The following SYNE1 variants were observed in gnomAD, a reference collection of about 807,000 sequenced individuals.
SYNE1 encodes the protein nesprin-1.
In SYNE1, 616 loss-of-function variants were observed where a neutral mutation model predicts 1,111.0. That is an observed-to-expected ratio of 0.55 (90% CI 0.52 to 0.59). The LOEUF is 0.59. Among genes scored for constraint, SYNE1 ranks in the 20% least tolerant of loss-of-function variants. SYNE1 has a pLI of 0.00. For synonymous variants in SYNE1, 3,855 were observed against 3,825.8 expected, an observed-to-expected ratio of 1.01 and a Z score of -0.28; for missense variants, 10,006 against 10,417.0, an observed-to-expected ratio of 0.96 and a Z score of 1.72.
At chr6:152,510,873 C>T (rs560317446) in intron 7 of SYNE1, 138 bp downstream of exon 7, 15 of 839,994 alleles carry the variant, frequency 1.8e-5, no homozygotes, top group African/African-American at 6.7e-5. Context: ...AAAGAAACAA[C>T]GTATGTGTGA....
chr6:152,277,991 C>A, intron 98 of SYNE1, 98 bp downstream of exon 98: 1 of 1,302,080 alleles, frequency 7.7e-7, no homozygotes, highest in Non-Finnish European at 1.1e-6. Flanking sequence ...CACAAGTACG[C>A]GTCACCGCCA....
At chr6:152,450,514 G>A (rs1017822508) in intron 27 of SYNE1, 111 bp downstream of exon 27, 29 of 1,061,440 alleles carry the variant, frequency 2.7e-5, no homozygotes, top group African/African-American at 1.4e-4. Flanking sequence ...ATTTTTGTAC[G>A]AGAACATGAG....
intron 75 of SYNE1, among the ~76,000 whole-genome samples, chr6:152,338,854 A>G (rs2153998812): frequency 6.6e-6 from 1 of 152,310 alleles, no homozygotes; most frequent in Non-Finnish European, 1.5e-5. Flanking sequence ...CATCCTTGAT[A>G]TAATAAAGAA....
Position 152,416,436 on chromosome 6 carries a change from T to A in SYNE1, c.6001A>T (p.Thr2001Ser), listed in dbSNP as rs1056873427. 3.1e-6 allele frequency: 5 copies of A among 1,614,200 alleles called. No homozygotes were observed. The highest frequency in any genetic ancestry group is 4.2e-6 in the Non-Finnish European group (5 of 1,180,046). The change falls in exon 41 of 146, where the codon ACT (threonine) becomes TCT (serine). Residue 2001 changes from threonine (T) to serine (S), a missense_variant. Thr to Ser is a moderately conservative substitution (Grantham distance 58, BLOSUM62 1). Transcript: ENST00000367255. The part of the protein sequence containing the change: ...LKSIEDIEER[T>S]DKERLKEPTR... ...GGTTCTTTCAATCGCTCTTTGTCAG[T>A]CCTTTCTTCAATGTCCTCAATGCTT...
At chr6:152,451,460 T>C (rs1275978147) in intron 25 of SYNE1, among the ~76,000 whole-genome samples, 1 of 142,860 alleles carries the variant, frequency 7.0e-6, no homozygotes, top group African/African-American at 2.6e-5. Context: ...ACAGTAGCCC[T>C]GCACCGTATT....
chr6:152,384,330 G>A (rs556352847), intron 55 of SYNE1, among the ~76,000 whole-genome samples: 3 of 152,228 alleles, frequency 2.0e-5, no homozygotes, highest in Admixed American at 6.5e-5. Context: ...TTTGTGGATC[G>A]CTGTTCCTCA....
chr6:152,502,245 T>C lies in SYNE1; in HGVS notation c.888+388A>G, dbSNP rs1043680070. On this transcript the variant is annotated intron_variant, in intron 10 of 145. Coordinates refer to ENST00000367255, the MANE Select transcript of SYNE1 (RefSeq NM_182961.4). ...TTTGCTGTCAATAGATGTAATAAAATCCAAAAGTCAAAATTAGATTTGATC... is the reference window on the plus strand; with the variant it reads ...TTTGCTGTCAATAGATGTAATAAAACCCAAAAGTCAAAATTAGATTTGATC... Among the ~76,000 whole-genome samples, 7 of 152,262 alleles carry C rather than the reference T, an allele frequency of 4.6e-5. 1 individual carries two copies. The highest frequency in any genetic ancestry group is 1.7e-4 in the African/African-American group (7 of 41,556).
At chr6:152,272,622 A>G (rs984462925) in intron 98 of SYNE1, among the ~76,000 whole-genome samples, 4 of 152,232 alleles carry the variant, frequency 2.6e-5, no homozygotes, top group African/African-American at 4.8e-5. Context: ...CACATAGAGA[A>G]GCAGTCTATT....
At chr6:152,362,410 T>C in intron 63 of SYNE1, 87 bp from the exon 64 acceptor site, 1 of 1,562,400 alleles carries the variant, frequency 6.4e-7, no homozygotes, top group Non-Finnish European at 8.8e-7. Context: ...TCCACTCCAG[T>C]AAGCAAGGGG....
chr6:152,563,383 C>A (rs561824715), intron 3 of SYNE1, among the ~76,000 whole-genome samples: 21 of 152,140 alleles, frequency 1.4e-4, no homozygotes, highest in African/African-American at 4.3e-4. Flanking sequence ...CCAGTGCCAG[C>A]GTGTCTACAA....
chr6:152,623,141 C>G (rs559774432), intron 3 of SYNE1, among the ~76,000 whole-genome samples: 3 of 152,094 alleles, frequency 2.0e-5, no homozygotes, highest in South Asian at 2.1e-4. Context: ...AATACTGGTA[C>G]AAAAACAGAC....
chr6:152,350,813 G>C, intron 70 of SYNE1, 43 bp from the exon 71 acceptor site: 1 of 1,611,104 alleles, frequency 6.2e-7, no homozygotes, highest in Non-Finnish European at 8.5e-7. Flanking sequence ...TCATCTCCGT[G>C]GACAAGATGA....
At chr6:152,526,276 G>T in intron 4 of SYNE1, 101 bp from the exon 5 acceptor site, 2 of 1,176,744 alleles carry the variant, frequency 1.7e-6, no homozygotes, top group African/African-American at 1.5e-5. Context: ...GAAATTTGTA[G>T]GAGAGGCTTC....
At chr6:152,453,214 A>C (rs2098665866) in intron 25 of SYNE1, among the ~76,000 whole-genome samples, 1 of 152,160 alleles carries the variant, frequency 6.6e-6, no homozygotes, top group Non-Finnish European at 1.5e-5. Flanking sequence ...TTTGGGGGGC[A>C]GAAACTATAC....
chr6:152,511,039 A>T lies in SYNE1; in HGVS notation c.374T>A (p.Leu125Ter), dbSNP rs776845285. The T allele has an allele frequency of 6.2e-7, 1 of 1,614,054 alleles. No homozygotes were observed. Among genetic ancestry groups the T allele is most frequent in the Non-Finnish European group, 8.5e-7 (1 of 1,179,914 alleles). ...GAAATATAGAATAATGGTCCACATC[A>T]ATCCAAGAACTATTGAGGGTCGGCC... Reference protein sequence around the residue: ...ADGRPSIVLGLMWTIILYFQI... With the variant: ...ADGRPSIVLG Residue 125 changes from leucine (L) to a stop codon, truncating the protein, a stop_gained, in exon 7 of 146, where the codon TTG (leucine) becomes TAG (stop). Transcript: ENST00000367255. LOFTEE classifies it high-confidence loss of function.
chr6:152,370,135 T>TC (rs1260983912), intron 59 of SYNE1, among the ~76,000 whole-genome samples: 1 of 151,924 alleles, frequency 6.6e-6, no homozygotes, highest in Non-Finnish European at 1.5e-5. Flanking sequence ...ATAGAATTTT[T>TC]CCCCCCTAAC....
chr6:152,213,889 T>G (rs542715818), intron 122 of SYNE1, 130 bp from the exon 123 acceptor site: 5 of 1,340,708 alleles, frequency 3.7e-6, no homozygotes, highest in African/African-American at 1.5e-5. Context: ...TCATGTCAGG[T>G]GGTAAAATTA....
At chr6:152,241,249 T>C (rs1490385657) in intron 107 of SYNE1, among the ~76,000 whole-genome samples, 1 of 152,074 alleles carries the variant, frequency 6.6e-6, no homozygotes, top group East Asian at 1.9e-4. Context: ...CAAAGCCAAA[T>C]GATAAGGTTT....
intron 3 of SYNE1, among the ~76,000 whole-genome samples, chr6:152,620,251 G>A (rs1327643170): frequency 6.6e-6 from 1 of 151,478 alleles, no homozygotes; most frequent in Admixed American, 6.6e-5. Context: ...AGTCTCATAT[G>A]TGGGACTCTC....
Sources: allele counts gnomAD v4.1 joint callset (sites outside exome capture counted in the v4.1 genomes callset), GRCh38; gene constraint gnomAD v4.1.1; transcripts MANE v1.5; gene names NCBI Gene and HGNC (gene_info 2026-07-23, HGNC 2026-07-21).